Variants in IP6K1 observed in about 807,000 individuals in gnomAD.
The protein encoded by IP6K1 is ATP:1D-myo-inositol-hexakisphosphate phosphotransferase.
In IP6K1, 13 loss-of-function variants were observed where a neutral mutation model predicts 38.3. The observed-to-expected ratio is 0.34, with a 90% confidence interval of 0.22 to 0.54. IP6K1 has a LOEUF of 0.54. Ranked by LOEUF, IP6K1 falls within the 20% of genes least tolerant of loss-of-function variation. The pLI is 0.92. For synonymous variants in IP6K1, 212 were observed against 229.9 expected (o/e 0.92, Z 0.70); for missense variants, 397 against 599.8 (o/e 0.66, Z 3.53).
chr3:49,741,491 G>T (rs2080668855), intron 2 of IP6K1, among the ~76,000 whole-genome samples: 1 of 151,150 alleles, frequency 6.6e-6, no homozygotes, highest in Admixed American at 6.6e-5. Flanking sequence ...CCTTTGTGCA[G>T]TTTTGAAACT....
intron 1 of IP6K1, among the ~76,000 whole-genome samples, chr3:49,748,643 A>G (rs1239887592): frequency 6.6e-6 from 1 of 152,126 alleles, no homozygotes; most frequent in Non-Finnish European, 1.5e-5. Flanking sequence ...GAGATTCCCA[A>G]ATTCTCCACT....
chr3:49,786,151 C>A (rs910349557), intron 1 of IP6K1: 2 of 152,332 alleles, frequency 1.3e-5, no homozygotes, highest in African/African-American at 2.4e-5. Flanking sequence ...TGGCGCTCTC[C>A]GTCCTCCACA....
At chr3:49,772,379 T>C (rs765656438) in intron 1 of IP6K1, among the ~76,000 whole-genome samples, 76 of 149,608 alleles carry the variant, frequency 5.1e-4, no homozygotes, top group Non-Finnish European at 8.9e-4. Flanking sequence ...AGGCTATATA[T>C]ACATATATTG....
At chr3:49,737,601 G>A (rs1289031429) in intron 3 of IP6K1, among the ~76,000 whole-genome samples, 25 of 152,176 alleles carry the variant, frequency 1.6e-4, no homozygotes, top group Non-Finnish European at 2.9e-5. Context: ...CAGGAGAATT[G>A]CTTGAACCCA....
At chr3:49,779,322 A>G (rs997288799) in intron 1 of IP6K1, among the ~76,000 whole-genome samples, 17 of 152,214 alleles carry the variant, frequency 1.1e-4, no homozygotes, top group African/African-American at 4.1e-4. Flanking sequence ...TTTTTATTGC[A>G]GAGTAATGTT....
chr3:49,780,653 G>C (rs2081057671), intron 1 of IP6K1, among the ~76,000 whole-genome samples: 1 of 152,172 alleles, frequency 6.6e-6, no homozygotes, highest in Non-Finnish European at 1.5e-5. Flanking sequence ...AAAAATGTTT[G>C]CATCCAGTGC....
Position 49,773,980 on chromosome 3 carries a change from A to AACAC in IP6K1, c.-129+12370_-129+12373dup, listed in dbSNP as rs10575617. On this transcript the variant is annotated intron_variant, in intron 1 of 5. Coordinates refer to ENST00000321599, the MANE Select transcript of IP6K1 (RefSeq NM_153273.4). Reference sequence around the variant, plus strand: ...GTAACATTAGCAAGACTCTCTCTAAAACACACACACACACACACACACACA... The same window carrying AACAC: ...GTAACATTAGCAAGACTCTCTCTAAAACACACACACACACACACACACACACACA... 7.3e-3 allele frequency among the ~76,000 whole-genome samples: 1,044 copies of AACAC among 142,252 alleles called. 5 individuals are homozygous for AACAC. The highest frequency in any genetic ancestry group is 0.042 in the East Asian group (203 of 4,886). The allele number at this position is 142,252 out of a possible 152,430, so 93.3% of individuals were successfully genotyped here.
rs113317748 is a variant in IP6K1 at position 49,729,432 on chromosome 3, G to A, written c.617-1154C>T. ...TTTTATTTTATTTTTTTTTTGAGAC[G>A]GAGTTTCGCTCGTTGCCCAGGCTGG... On this transcript the variant is annotated intron_variant, in intron 4 of 5. Coordinates refer to ENST00000321599, the MANE Select transcript of IP6K1 (RefSeq NM_153273.4). Among the ~76,000 whole-genome samples, 23 of 149,254 alleles carry A rather than the reference G, an allele frequency of 1.5e-4. No individual in the cohort carries two copies. The East Asian group carries it at 2.5e-3, about 16-fold the overall frequency.
At chr3:49,761,207 C>T (rs560605743) in intron 1 of IP6K1, among the ~76,000 whole-genome samples, 14 of 151,606 alleles carry the variant, frequency 9.2e-5, no homozygotes, top group African/African-American at 2.9e-4. Context: ...CCCAGCTACT[C>T]GGGAGGCCGA....
At chr3:49,780,341 C>CACACACACACAG (rs1025490190) in intron 1 of IP6K1, among the ~76,000 whole-genome samples, 5 of 151,920 alleles carry the variant, frequency 3.3e-5, no homozygotes, top group African/African-American at 9.7e-5. Flanking sequence ...CACACACACA[C>CACACACACACAG]AGTCTTAGGC....
At chr3:49,764,820 A>G (rs1186734165) in intron 1 of IP6K1, among the ~76,000 whole-genome samples, 1 of 151,712 alleles carries the variant, frequency 6.6e-6, no homozygotes, top group Non-Finnish European at 1.5e-5. Context: ...CGGAGGTTGC[A>G]GTGAGCAACC....
intron 1 of IP6K1, among the ~76,000 whole-genome samples, chr3:49,770,022 T>G (rs1031519621): frequency 6.6e-6 from 1 of 151,994 alleles, no homozygotes; most frequent in Non-Finnish European, 1.5e-5. Context: ...AAAACCAGCC[T>G]GGGCAACATC....
At chr3:49,749,827 C>G (rs954373731) in intron 1 of IP6K1, among the ~76,000 whole-genome samples, 2 of 130,678 alleles carry the variant, frequency 1.5e-5, no homozygotes, top group African/African-American at 5.5e-5. Flanking sequence ...TGCACATACA[C>G]TTCTTTTTTT....
At chr3:49,776,578 C>T (rs2081010564) in intron 1 of IP6K1, among the ~76,000 whole-genome samples, 2 of 151,472 alleles carry the variant, frequency 1.3e-5, no homozygotes, top group South Asian at 2.1e-4. Flanking sequence ...AAGAAAAGGA[C>T]ACTTATTTAC....
In IP6K1 at chr3:49,728,094, G is replaced by A; in HGVS notation, c.792+9C>T. On this transcript the variant is annotated intron_variant, in intron 5 of 5. Coordinates refer to ENST00000321599, the MANE Select transcript of IP6K1 (RefSeq NM_153273.4). ...GGCAGCACCTAGGCTCTGAGCAGAG[G>A]TAACTCACCTGCATGCCGCAGACCC... 3 of 1,610,708 alleles carry A rather than the reference G, an allele frequency of 1.9e-6. No individual in the cohort carries two copies. The highest frequency in any genetic ancestry group is 2.5e-6 in the Non-Finnish European group (3 of 1,177,910).
In IP6K1 at chr3:49,727,782, A is replaced by T. The variant is rs2080522468; in HGVS notation, c.793-127T>A. ...CTTTTCTGCTCACCTATCTAAGTGG[A>T]ACCAGGCAGGCCACATTCACCCTGG... is the stretch of plus-strand genomic sequence containing the variant. On this transcript the variant is annotated intron_variant, in intron 5 of 5. Coordinates refer to ENST00000321599, the MANE Select transcript of IP6K1 (RefSeq NM_153273.4). This position sits in a 1 kb window ranked among gnomAD's most constrained non-coding sequence, Gnocchi z 5.9. 1.0e-6 allele frequency: 1 copy of T among 971,182 alleles called. No individual in the cohort carries two copies. Among genetic ancestry groups the T allele is most frequent in the African/African-American group, 1.7e-5 (1 of 60,528 alleles). 60.2% of individuals were successfully genotyped at this position (971,182 alleles called of 1,614,324 possible).
At chr3:49,751,679 T>C (rs1323766565) in intron 1 of IP6K1, among the ~76,000 whole-genome samples, 1 of 152,256 alleles carries the variant, frequency 6.6e-6, no homozygotes, top group Non-Finnish European at 1.5e-5. Context: ...TCCATTGCTC[T>C]GCTATGAGTT....
intron 3 of IP6K1, 88 bp from the exon 4 acceptor site, chr3:49,733,060 A>G (rs755105420): frequency 1.4e-5 from 14 of 975,720 alleles, no homozygotes; most frequent in Non-Finnish European, 2.2e-5. Flanking sequence ...TCTGTCCACA[A>G]TGACAGACCC....
chr3:49,728,023 G>T, intron 5 of IP6K1, 80 bp downstream of exon 5: 2 of 1,411,370 alleles, frequency 1.4e-6, no homozygotes, highest in Non-Finnish European at 2.0e-6. Context: ...GGACACACTT[G>T]GCATAGATGG....
Sources: allele counts gnomAD v4.1 joint callset (sites outside exome capture counted in the v4.1 genomes callset), GRCh38; gene constraint gnomAD v4.1.1; non-coding constraint Gnocchi (gnomAD v3.1); transcripts MANE v1.5; gene names NCBI Gene and HGNC (gene_info 2026-07-23, HGNC 2026-07-21).